UBE3D: variants seen among roughly 807,000 people sequenced by gnomAD.
UBE3D encodes the protein E3 ubiquitin-protein ligase E3D.
UBE3D carries 48 observed loss-of-function variants against 49.6 expected under a neutral mutation model. The observed-to-expected ratio is 0.97, with a 90% CI of 0.77 to 1.23. The LOEUF is 1.23. Ranked by LOEUF, UBE3D falls within the 50% of genes most tolerant of loss-of-function variation. The pLI is 0.00. For missense variants in UBE3D, 452 were observed against 468.4 expected (o/e 0.96, Z 0.32); for synonymous variants, 189 against 174.2 (o/e 1.08, Z -0.67).
At chr6:82,912,001 G>A (rs1213696660) in intron 9 of UBE3D, among the ~76,000 whole-genome samples, 1 of 151,562 alleles carries the variant, frequency 6.6e-6, no homozygotes, top group Non-Finnish European at 1.5e-5. Context: ...AAACATGTCT[G>A]CAGGAAACCA....
At chr6:82,961,193 G>A (rs1776524152) in intron 8 of UBE3D, among the ~76,000 whole-genome samples, 1 of 152,156 alleles carries the variant, frequency 6.6e-6, no homozygotes, top group Admixed American at 6.6e-5. Flanking sequence ...ATATTTGCAA[G>A]AGAAAGGGAA....
chr6:83,033,432 G>A (rs1414962094), intron 5 of UBE3D, among the ~76,000 whole-genome samples: 1 of 152,122 alleles, frequency 6.6e-6, no homozygotes, highest in Admixed American at 6.5e-5. Flanking sequence ...CAAATCTCCT[G>A]CTGAATTGTA....
intron 9 of UBE3D, among the ~76,000 whole-genome samples, chr6:82,949,684 T>C (rs1582439831): frequency 6.6e-6 from 1 of 151,832 alleles, no homozygotes; most frequent in Non-Finnish European, 1.5e-5. Context: ...CAATGGAATA[T>C]AATAGAGAAC....
intron 8 of UBE3D, among the ~76,000 whole-genome samples, chr6:83,012,061 C>T (rs190159242): frequency 1.8e-4 from 27 of 152,260 alleles, no homozygotes; most frequent in Admixed American, 5.9e-4. Flanking sequence ...TGATAGGGAA[C>T]ACAGTAAGAT....
At chr6:83,036,020 C>CTTTTTTTTT (rs11448547) in intron 5 of UBE3D, 2 of 108,796 alleles carry the variant, frequency 1.8e-5, no homozygotes, top group Non-Finnish European at 3.5e-5. Context: ...TTTTGTACTT[C>CTTTTTTTTT]TTTTTTTTTT....
the UBE3D span, among the ~76,000 whole-genome samples, chr6:82,884,059 A>G: frequency 1.9e-3 from 296 of 152,330 alleles, no homozygotes; most frequent in African/African-American, 6.9e-3. Flanking sequence ...TTTCAAGTCT[A>G]GCCCCTGGGC....
intron 9 of UBE3D, among the ~76,000 whole-genome samples, chr6:82,912,364 CA>C (rs1251978562): frequency 7.2e-5 from 11 of 152,070 alleles, no homozygotes; most frequent in African/African-American, 2.4e-4. Context: ...GCCAATTTTA[CA>C]ATGAGTAAAC....
chr6:82,938,040 T>C (rs1182540458), intron 9 of UBE3D, among the ~76,000 whole-genome samples: 3 of 152,170 alleles, frequency 2.0e-5, no homozygotes, highest in Non-Finnish European at 4.4e-5. Flanking sequence ...TATCTATATT[T>C]TTCCTCAGTT....
chr6:82,980,052 C>G (rs918821147), intron 8 of UBE3D, among the ~76,000 whole-genome samples: 5 of 152,084 alleles, frequency 3.3e-5, no homozygotes, highest in African/African-American at 1.2e-4. Flanking sequence ...CTGGAATAAA[C>G]AAATAAATGA....
chr6:83,044,942 T>C (rs943413428), intron 3 of UBE3D, among the ~76,000 whole-genome samples: 1 of 152,228 alleles, frequency 6.6e-6, no homozygotes, highest in Non-Finnish European at 1.5e-5. Flanking sequence ...TCTGTACATA[T>C]CACACGAAGT....
chr6:82,958,624 C>T (rs1350522979), intron 8 of UBE3D, among the ~76,000 whole-genome samples: 1 of 152,098 alleles, frequency 6.6e-6, no homozygotes, highest in Non-Finnish European at 1.5e-5. Flanking sequence ...GTTCACTCTC[C>T]GTTGAAGTAC....
At chr6:82,921,260 A>T (rs1328702758) in intron 9 of UBE3D, among the ~76,000 whole-genome samples, 3 of 152,150 alleles carry the variant, frequency 2.0e-5, no homozygotes, top group Non-Finnish European at 4.4e-5. Context: ...GAATATTTTT[A>T]AAAAATCTTT....
chr6:82,930,274 C>A (rs987053670), intron 9 of UBE3D, among the ~76,000 whole-genome samples: 1 of 152,018 alleles, frequency 6.6e-6, no homozygotes, highest in Non-Finnish European at 1.5e-5. Flanking sequence ...GTCCACTAAA[C>A]CTCTTTCTTT....
At chr6:82,997,986 A>AT (rs1562167199) in intron 8 of UBE3D, among the ~76,000 whole-genome samples, 1 of 151,954 alleles carries the variant, frequency 6.6e-6, no homozygotes. Context: ...AAGTACGGGA[A>AT]TTTTTTCTGA....
chr6:82,926,668 A>G (rs1335205440), intron 9 of UBE3D, among the ~76,000 whole-genome samples: 2 of 151,740 alleles, frequency 1.3e-5, no homozygotes, highest in East Asian at 1.9e-4. Context: ...TTTAATTTGC[A>G]TTTTCCTGAT....
At chr6:82,887,512 C>T (rs995104871), downstream of UBE3D, among the ~76,000 whole-genome samples, 1 of 150,600 alleles carries the variant, frequency 6.6e-6, no homozygotes, top group Non-Finnish European at 1.5e-5. Context: ...CGCTCGAGAC[C>T]AGTCTGGCCA....
intron 9 of UBE3D, among the ~76,000 whole-genome samples, chr6:82,956,950 A>T (rs1225315816): frequency 1.3e-5 from 2 of 152,172 alleles, no homozygotes; most frequent in Non-Finnish European, 2.9e-5. Context: ...CAATACAGTG[A>T]AACCCTGTCT....
chr6:83,051,227 C>A (rs969512837), intron 3 of UBE3D, among the ~76,000 whole-genome samples: 3 of 152,200 alleles, frequency 2.0e-5, no homozygotes, highest in African/African-American at 7.2e-5. Flanking sequence ...ACAAACACAA[C>A]TTCCCAGCTA....
intron 9 of UBE3D, among the ~76,000 whole-genome samples, chr6:82,920,323 G>T (rs572831193): frequency 5.3e-5 from 8 of 152,220 alleles, no homozygotes; most frequent in African/African-American, 1.7e-4. Flanking sequence ...TTTTCTTAGA[G>T]GACAAAAAGT....
Sources: gnomAD v4.1 joint callset for allele counts (sites outside exome capture counted in the v4.1 genomes callset) on GRCh38, gnomAD v4.1.1 for gene constraint, MANE v1.5 for transcripts, NCBI Gene and HGNC (gene_info 2026-07-23, HGNC 2026-07-21) for gene names.